The following DLG2 variants were observed in gnomAD, a reference collection of about 807,000 sequenced individuals.
DLG2 encodes disks large homolog 2.
A neutral mutation model predicts 132.5 loss-of-function variants in DLG2; 45 were observed. The observed-to-expected ratio is 0.34, with a 90% CI of 0.27 to 0.44. The LOEUF is 0.44. DLG2 is among the 20% of genes least tolerant of loss of function. The pLI, the probability that DLG2 is intolerant of heterozygous loss-of-function variation, is 1.00. For missense variants in DLG2, 1,045 were observed against 1,196.9 expected, an observed-to-expected ratio of 0.87 and a Z score of 1.87; for synonymous variants, 424 against 419.6, an observed-to-expected ratio of 1.01 and a Z score of -0.13.
rs575541939 is a variant in DLG2, at chr11:84,830,962, C to G, written c.357+280699G>C. 2.8e-5 allele frequency among the ~76,000 whole-genome samples: 3 copies of G among 107,452 alleles called. No homozygotes were observed. The East Asian group carries it at 1.0e-3, about 37-fold the overall frequency. 70.5% of individuals were successfully genotyped at this position (107,452 alleles called of 152,430 possible). On this transcript the variant is annotated intron_variant, in intron 6 of 27. Transcript: ENST00000376104. Reference sequence around the variant, plus strand: ...GTCTCTCTCTCTCCTCCCCCCACCCCCCCCAGCTCTGTCTCTATTTCTTTT... The same window carrying G: ...GTCTCTCTCTCTCCTCCCCCCACCCGCCCCAGCTCTGTCTCTATTTCTTTT...
chr11:85,537,771 G>A (rs1194542430), intron 3 of DLG2, among the ~76,000 whole-genome samples: 1 of 151,902 alleles, frequency 6.6e-6, no homozygotes, highest in African/African-American at 2.4e-5. Context: ...AAGAAACTCT[G>A]GACACATCTG....
At chr11:83,731,985 T>C (rs2091094856) in intron 18 of DLG2, among the ~76,000 whole-genome samples, 2 of 152,244 alleles carry the variant, frequency 1.3e-5, no homozygotes, top group Admixed American at 1.3e-4. Flanking sequence ...AGAACAATTG[T>C]CAATGTTACT....
intron 6 of DLG2, among the ~76,000 whole-genome samples, chr11:85,090,793 A>T (rs1183084493): frequency 2.0e-5 from 3 of 152,192 alleles, no homozygotes; most frequent in African/African-American, 7.2e-5. Context: ...GTCTTAGCCC[A>T]TTTGTGTTGT....
intron 6 of DLG2, among the ~76,000 whole-genome samples, chr11:84,843,622 A>G (rs2154011872): frequency 6.6e-6 from 1 of 152,002 alleles, no homozygotes; most frequent in Non-Finnish European, 1.5e-5. Context: ...ATGGTATAGT[A>G]TTTGCATATA....
intron 6 of DLG2, among the ~76,000 whole-genome samples, chr11:85,032,271 G>T (rs1446152918): frequency 2.6e-5 from 4 of 152,062 alleles, no homozygotes; most frequent in Non-Finnish European, 5.9e-5. Flanking sequence ...CAATCCATCA[G>T]TTGTTTTCTT....
chr11:84,479,033 G>A (rs1366895230), intron 7 of DLG2, among the ~76,000 whole-genome samples: 6 of 152,086 alleles, frequency 3.9e-5, no homozygotes, highest in African/African-American at 1.4e-4. Flanking sequence ...TAAGAACCAT[G>A]GTACATAAAA....
intron 8 of DLG2, among the ~76,000 whole-genome samples, chr11:84,181,772 T>G (rs2096135083): frequency 6.6e-6 from 1 of 152,146 alleles, no homozygotes; most frequent in Non-Finnish European, 1.5e-5. Context: ...AGATAAATTA[T>G]CAGAGATAAA....
chr11:83,689,199 G>C (rs1261836274), intron 18 of DLG2, among the ~76,000 whole-genome samples: 1 of 152,130 alleles, frequency 6.6e-6, no homozygotes, highest in African/African-American at 2.4e-5. Flanking sequence ...GCTTCTGGAA[G>C]GAGAGGATGA....
At chr11:85,500,473 A>G (rs1321043375) in intron 3 of DLG2, among the ~76,000 whole-genome samples, 2 of 148,192 alleles carry the variant, frequency 1.3e-5, no homozygotes, top group Non-Finnish European at 2.9e-5. Flanking sequence ...GCGCACCAGC[A>G]TGGCACATGT....
chr11:84,067,657 G>A (rs965249842), intron 10 of DLG2, among the ~76,000 whole-genome samples: 2 of 151,928 alleles, frequency 1.3e-5, no homozygotes, highest in Non-Finnish European at 2.9e-5. Flanking sequence ...ATGTCTGCCT[G>A]TTATCTCACT....
intron 16 of DLG2, among the ~76,000 whole-genome samples, chr11:83,848,651 T>A (rs1380089990): frequency 6.6e-6 from 1 of 152,222 alleles, no homozygotes; most frequent in South Asian, 2.1e-4. Flanking sequence ...TTCAGGCCCA[T>A]GACATCTCTG....
At chr11:85,069,863 T>C (rs1412990038) in intron 6 of DLG2, among the ~76,000 whole-genome samples, 4 of 152,156 alleles carry the variant, frequency 2.6e-5, no homozygotes, top group East Asian at 1.9e-4. Context: ...CGTATGTTTA[T>C]TGTGGCACTA....
intron 3 of DLG2, chr11:85,452,938 T>TCATG (rs952416883): frequency 1.9e-5 from 4 of 215,098 alleles, no homozygotes; most frequent in Admixed American, 1.7e-4. Context: ...GTGACTAAGG[T>TCATG]CATGCCTTTA....
At chr11:85,520,122 AC>A (rs955830795) in intron 3 of DLG2, among the ~76,000 whole-genome samples, 5 of 151,058 alleles carry the variant, frequency 3.3e-5, no homozygotes, top group African/African-American at 1.2e-4. Flanking sequence ...CCCAGCAATC[AC>A]CCCATCTCAG....
At chr11:84,681,815 T>C (rs866003905) in intron 6 of DLG2, among the ~76,000 whole-genome samples, 1 of 151,642 alleles carries the variant, frequency 6.6e-6, no homozygotes, top group East Asian at 1.9e-4. Flanking sequence ...TGTGGAAAAA[T>C]TGAACCTTAT....
chr11:83,887,934 T>C (rs2068431903), intron 15 of DLG2, among the ~76,000 whole-genome samples: 1 of 145,032 alleles, frequency 6.9e-6, no homozygotes. Flanking sequence ...AAATTAGGTA[T>C]TGATAGGACG....
At chr11:85,063,756 A>G (rs1242000206) in intron 6 of DLG2, among the ~76,000 whole-genome samples, 1 of 151,830 alleles carries the variant, frequency 6.6e-6, no homozygotes, top group African/African-American at 2.4e-5. Flanking sequence ...TGCTTTATAA[A>G]TCTATAAAAA....
intron 17 of DLG2, among the ~76,000 whole-genome samples, chr11:83,828,681 G>A (rs2053597800): frequency 6.6e-6 from 1 of 152,098 alleles, no homozygotes; most frequent in Non-Finnish European, 1.5e-5. Flanking sequence ...CCCAAAGAAG[G>A]AACAGCCCAA....
chr11:83,933,659 C>T (rs1221549610), intron 14 of DLG2, among the ~76,000 whole-genome samples: 1 of 152,202 alleles, frequency 6.6e-6, no homozygotes, highest in Non-Finnish European at 1.5e-5. Flanking sequence ...GGTGCTTCAT[C>T]TATACCTTAT....
Sources: gnomAD v4.1 joint callset for allele counts (sites outside exome capture counted in the v4.1 genomes callset) on GRCh38, gnomAD v4.1.1 for gene constraint, MANE v1.5 for transcripts, NCBI Gene and HGNC (gene_info 2026-07-23, HGNC 2026-07-21) for gene names.